The following REDIC1 variants were observed in gnomAD, a reference collection of about 807,000 sequenced individuals.
REDIC1 encodes the protein regulator of DNA class I crossover intermediates 1.
the REDIC1 span, among the ~76,000 whole-genome samples, chr12:39,680,673 A>G: frequency 6.6e-6 from 1 of 152,128 alleles, no homozygotes; most frequent in African/African-American, 2.4e-5. Flanking sequence ...AGACACTTGC[A>G]TGTGCATGTT....
chr12:39,684,247 A>T, the REDIC1 span: 2 of 986,922 alleles, frequency 2.0e-6, no homozygotes, highest in Non-Finnish European at 2.4e-6. Flanking sequence ...ACCTGCAATT[A>T]TAAGTAACTA....
the REDIC1 span, among the ~76,000 whole-genome samples, chr12:39,647,374 A>C: frequency 1.2e-4 from 19 of 152,258 alleles, no homozygotes; most frequent in South Asian, 1.2e-3. Context: ...TGAAACTTTA[A>C]CATCTAATGT....
chr12:39,857,605 C>A, the REDIC1 span, among the ~76,000 whole-genome samples: 1 of 152,194 alleles, frequency 6.6e-6, no homozygotes, highest in East Asian at 1.9e-4. Flanking sequence ...CACTCTGCAG[C>A]CAGACTGATC....
chr12:39,811,742 CCTTAA>C, the REDIC1 span, among the ~76,000 whole-genome samples: 2 of 152,074 alleles, frequency 1.3e-5, no homozygotes, highest in African/African-American at 2.4e-5. Context: ...TGATAATATT[CCTTAA>C]TCTGGAGTCT....
At chr12:39,775,603 C>A in the REDIC1 span, among the ~76,000 whole-genome samples, 1 of 152,182 alleles carries the variant, frequency 6.6e-6, no homozygotes, top group African/African-American at 2.4e-5. Flanking sequence ...ACATCCAAAG[C>A]AAGCCTGGCC....
At chr12:39,680,789 C>G in the REDIC1 span, among the ~76,000 whole-genome samples, 5 of 152,038 alleles carry the variant, frequency 3.3e-5, no homozygotes, top group Non-Finnish European at 7.4e-5. Flanking sequence ...CACACACACT[C>G]TCTCACACAC....
At chr12:39,768,313 C>A in the REDIC1 span, among the ~76,000 whole-genome samples, 1 of 152,038 alleles carries the variant, frequency 6.6e-6, no homozygotes, top group African/African-American at 2.4e-5. Context: ...TTCTTCATAT[C>A]GGCAATAAGG....
the REDIC1 span, among the ~76,000 whole-genome samples, chr12:39,899,460 T>C: frequency 1.8e-4 from 27 of 152,080 alleles, no homozygotes; most frequent in African/African-American, 6.5e-4. Flanking sequence ...TTTTAAAGGG[T>C]TTTTTGTGTC....
At chr12:39,675,260 A>G in the REDIC1 span, among the ~76,000 whole-genome samples, 5 of 152,182 alleles carry the variant, frequency 3.3e-5, no homozygotes, top group Non-Finnish European at 7.4e-5. Flanking sequence ...CAGTGGCTGC[A>G]GCAAGCACTG....
chr12:39,785,749 G>A, the REDIC1 span, among the ~76,000 whole-genome samples: 1 of 152,154 alleles, frequency 6.6e-6, no homozygotes, highest in African/African-American at 2.4e-5. Flanking sequence ...AAGACCATGG[G>A]AACCCACCTC....
the REDIC1 span, among the ~76,000 whole-genome samples, chr12:39,709,570 A>C: frequency 0.87 from 130,621 of 150,684 alleles, 56,872 homozygotes; most frequent in African/African-American, 0.92. Context: ...TACTTATATA[A>C]CTAGTAGGTG....
chr12:39,798,384 G>A, the REDIC1 span, among the ~76,000 whole-genome samples: 1 of 152,288 alleles, frequency 6.6e-6, no homozygotes, highest in Non-Finnish European at 1.5e-5. Flanking sequence ...TTGTGGCATA[G>A]CAATAGATGA....
chr12:39,859,569 C>A, the REDIC1 span, among the ~76,000 whole-genome samples: 1 of 152,140 alleles, frequency 6.6e-6, no homozygotes, highest in Admixed American at 6.5e-5. Context: ...GTCACCCAGG[C>A]TGGAGTGCAG....
At chr12:39,673,699 C>G in the REDIC1 span, among the ~76,000 whole-genome samples, 3 of 152,190 alleles carry the variant, frequency 2.0e-5, no homozygotes, top group Non-Finnish European at 4.4e-5. Context: ...CACTTCCTTA[C>G]TCTAGTGACT....
the REDIC1 span, among the ~76,000 whole-genome samples, chr12:39,713,157 A>G: frequency 2.7e-5 from 4 of 150,340 alleles, no homozygotes; most frequent in South Asian, 2.1e-4. Context: ...ATGTGCATAT[A>G]CACACGTGTA....
chr12:39,734,787 C>G, the REDIC1 span, among the ~76,000 whole-genome samples: 1 of 152,128 alleles, frequency 6.6e-6, no homozygotes, highest in Admixed American at 6.6e-5. Flanking sequence ...ACTTCCTGTT[C>G]TTTTTCAAAA....
the REDIC1 span, among the ~76,000 whole-genome samples, chr12:39,889,068 AT>A: frequency 6.6e-6 from 1 of 152,132 alleles, no homozygotes; most frequent in Non-Finnish European, 1.5e-5. Flanking sequence ...TTTTAGATAT[AT>A]TTACAAACAT....
the REDIC1 span, among the ~76,000 whole-genome samples, chr12:39,785,724 G>T: frequency 6.6e-6 from 1 of 152,126 alleles, no homozygotes; most frequent in Non-Finnish European, 1.5e-5. Context: ...CAAAGACACA[G>T]GGGCGGAGCT....
the REDIC1 span, among the ~76,000 whole-genome samples, chr12:39,726,394 C>T: frequency 0.032 from 4,793 of 152,090 alleles, 102 homozygotes; most frequent in Non-Finnish European, 0.05. Context: ...CTCCCACTTA[C>T]GAGTGAGAAC....
Sources: gnomAD v4.1 joint callset for allele counts (sites outside exome capture counted in the v4.1 genomes callset) on GRCh38, gnomAD v4.1.1 for gene constraint, MANE v1.5 for transcripts, NCBI Gene and HGNC (gene_info 2026-07-23, HGNC 2026-07-21) for gene names.